The following PHKG2 variants were observed in gnomAD, a reference collection of about 807,000 sequenced individuals.
PHKG2 encodes the protein phosphorylase kinase catalytic subunit gamma 2, also known as phosphorylase b kinase gamma catalytic chain, liver/testis isoform.
Under a neutral mutation model 44.5 loss-of-function variants are expected in PHKG2, and 28 were observed. That is an observed-to-expected ratio of 0.63 (90% CI 0.47 to 0.86). The LOEUF is 0.86. Ranked by LOEUF, PHKG2 falls within the 40% of genes least tolerant of loss-of-function variation. PHKG2 has a pLI of 0.00. For synonymous variants in PHKG2, 220 were observed against 211.2 expected (o/e 1.04, Z -0.36); for missense variants, 498 against 547.5 (o/e 0.91, Z 0.90).
intron 6 of PHKG2, among the ~76,000 whole-genome samples, chr16:30,753,811 G>A (rs1322170397): frequency 6.6e-6 from 1 of 152,184 alleles, no homozygotes; most frequent in Non-Finnish European, 1.5e-5. Flanking sequence ...AGGGGAACCC[G>A]GAGGAAGGAA....
intron 3 of PHKG2, 78 bp from the exon 4 acceptor site, chr16:30,751,471 C>T (rs2053343034): frequency 2.1e-6 from 3 of 1,396,302 alleles, no homozygotes; most frequent in Non-Finnish European, 1.0e-6. Flanking sequence ...CGCTGCTGTC[C>T]CAGGGTGGCC....
In PHKG2 at chr16:30,761,140, T is replaced by C; in HGVS notation, c.*4043T>C. Reference sequence around the variant, plus strand: ...GATGCCCTGGCCACAGACAGGACTGTTGGGGAGACAATAAAGAACGCAAAT... The same window carrying C: ...GATGCCCTGGCCACAGACAGGACTGCTGGGGAGACAATAAAGAACGCAAAT... On this transcript the variant is annotated 3_prime_UTR_variant, in exon 10 of 10. Transcript: ENST00000563588. 6.3e-7 allele frequency: 1 copy of C among 1,588,038 alleles called. No individual in the cohort carries two copies. Among genetic ancestry groups the C allele is most frequent in the Non-Finnish European group, 8.6e-7 (1 of 1,159,820 alleles).
At position 30,759,645 on chromosome 16, in the gene PHKG2, GGAACT is replaced by G; in HGVS notation, c.*2551_*2555del. ...GGTAAAGTTTCCAGAATGTTCCAGG[GGAACT>G]GACCCTGACTCCATGGCAAAAAAGG... is the stretch of plus-strand genomic sequence containing the variant. On this transcript the variant is annotated 3_prime_UTR_variant, in exon 10 of 10. Transcript: ENST00000563588. The G allele has an allele frequency of 6.2e-7, 1 of 1,614,036 alleles. No individual in the cohort carries two copies. Among genetic ancestry groups the G allele is most frequent in the Non-Finnish European group, 8.5e-7 (1 of 1,180,040 alleles).
chr16:30,754,817 C>G, intron 6 of PHKG2: 1 of 454,314 alleles, frequency 2.2e-6, no homozygotes, highest in Middle Eastern at 3.7e-4. Context: ...TTTCTGTTCT[C>G]CCATCTTCTT....
chr16:30,759,701 C>A lies in PHKG2; in HGVS notation c.*2604C>A. 1 of 1,612,858 alleles carries A rather than the reference C, an allele frequency of 6.2e-7. No homozygotes were observed. Among genetic ancestry groups the A allele is most frequent in the Non-Finnish European group, 8.5e-7 (1 of 1,179,308 alleles). On this transcript the variant is annotated 3_prime_UTR_variant, in exon 10 of 10. Coordinates refer to ENST00000563588, the MANE Select transcript of PHKG2 (RefSeq NM_000294.3). ...ACACTGGTGAAGTAGCGGTAGCACTCCTCCACGTTGCCCAAGGGGGTTGCT... is the reference window on the plus strand; with the variant it reads ...ACACTGGTGAAGTAGCGGTAGCACTACTCCACGTTGCCCAAGGGGGTTGCT...
intron 2 of PHKG2, 100 bp downstream of exon 2, chr16:30,749,015 GGT>G: frequency 4.6e-5 from 1 of 21,598 alleles, no homozygotes; most frequent in South Asian, 1.4e-4. Flanking sequence ...TGGTGGTGGT[GGT>G]GGTGGTGGTG....
Position 30,760,309 on chromosome 16 carries a change from G to T in PHKG2, c.*3212G>T. 6.2e-7 allele frequency: 1 copy of T among 1,614,184 alleles called. No homozygotes were observed. On this transcript the variant is annotated 3_prime_UTR_variant, in exon 10 of 10. Transcript: ENST00000563588. ...CAATACAAGCCTTGTGAAGATCCTG[G>T]AGCAGGGCACAAGCCGCTGACGTCT...
chr16:30,759,190 C>T lies in PHKG2; in HGVS notation c.*2093C>T. Reference sequence around the variant, plus strand: ...CACTCTCCCTTACCCGTCTCACTCTCTGGCCACAGTTTGGGTGGCTGTAGC... The same window carrying T: ...CACTCTCCCTTACCCGTCTCACTCTTTGGCCACAGTTTGGGTGGCTGTAGC... On this transcript the variant is annotated 3_prime_UTR_variant, in exon 10 of 10. Transcript: ENST00000563588. The T allele has an allele frequency of 6.2e-7, 1 of 1,614,224 alleles. No homozygotes were observed. The highest frequency in any genetic ancestry group is 8.5e-7 in the Non-Finnish European group (1 of 1,180,042).
chr16:30,756,647 C>G lies in PHKG2; in HGVS notation c.859C>G (p.Gln287Glu). The change falls in exon 9 of 10, where the codon CAG becomes GAG. Residue 287 changes from glutamine (Q) to glutamate (E), a missense_variant. Physicochemically the swap from Gln to Glu is conservative, Grantham distance 29 (BLOSUM62 2). Transcript: ENST00000563588. ...ACGCCTGACAGCTGAGCAGGCCCTA[C>G]AGCACCCCTTCTTTGAGCGTTGTGA... Reference protein sequence around the residue: ...EARLTAEQALQHPFFERCEGS... With the variant: ...EARLTAEQALEHPFFERCEGS... 6.2e-7 allele frequency: 1 copy of G among 1,614,108 alleles called. No individual in the cohort carries two copies. The highest frequency in any genetic ancestry group is 2.2e-5 in the East Asian group (1 of 44,878).
rs367711698 is a variant in PHKG2 at position 30,756,861 on chromosome 16, C to G, written c.985C>G (p.Arg329Gly). 6.2e-7 allele frequency: 1 copy of G among 1,613,984 alleles called. No homozygotes were observed. The highest frequency in any genetic ancestry group is 8.5e-7 in the Non-Finnish European group (1 of 1,180,036). The change falls in exon 10 of 10, where the codon CGG becomes GGG. Residue 329 changes from arginine to glycine, a missense_variant. Transcript: ENST00000563588. ...GRVALSTHRVRPLTKNALLRD... is the reference protein window; with the variant it reads ...GRVALSTHRVGPLTKNALLRD... ...AGTGGCCCTAAGCACCCATCGTGTA[C>G]GGCCACTGACCAAGAATGCACTGTT...
Position 30,756,488 on chromosome 16 carries a change from T to C in PHKG2, c.769T>C (p.Trp257Arg), listed in dbSNP as rs775683935. ...CCAGTACCAGTTCAGTTCCCCCGAG[T>C]GGGATGACCGTTCCAGCACTGTCAA... Reference protein sequence around the residue: ...EGQYQFSSPEWDDRSSTVKDL... With the variant: ...EGQYQFSSPERDDRSSTVKDL... Residue 257 changes from tryptophan (W) to arginine (R), a missense_variant, in exon 8 of 10, where the codon TGG becomes CGG. By Grantham distance (101) the Trp-to-Arg change is moderately radical. Coordinates refer to ENST00000563588, the MANE Select transcript of PHKG2 (RefSeq NM_000294.3). The C allele has an allele frequency of 6.2e-7, 1 of 1,613,302 alleles. No homozygotes were observed. The highest frequency in any genetic ancestry group is 8.5e-7 in the Non-Finnish European group (1 of 1,179,968).
Position 30,749,037 on chromosome 16 carries a change from G to C in PHKG2, c.95+122G>C, listed in dbSNP as rs879167272. 1.5e-3 allele frequency: 227 copies of C among 150,252 alleles called. 12 individuals carry two copies. Among genetic ancestry groups the C allele is most frequent in the Admixed American group, 5.2e-3 (32 of 6,118 alleles). The allele number at this position is 150,252 out of a possible 1,614,324, so 9.3% of individuals were successfully genotyped here. A position where few individuals can be genotyped will look rare whatever the true frequency, so the allele number is the denominator to read the frequency against. ...GGTGGTGGTGGTGGTGGTGGTGGTG[G>C]TGGTGGTGGTGGTGGTGGTGGTGGT... is the stretch of plus-strand genomic sequence containing the variant. On this transcript the variant is annotated intron_variant, in intron 2 of 9. Coordinates refer to ENST00000563588, the MANE Select transcript of PHKG2 (RefSeq NM_000294.3).
In PHKG2 at chr16:30,748,796, C is replaced by T. The variant is rs1342447692; in HGVS notation, c.-18-7C>T. ...CCCTGCCCTCACTGCCCTCCTCCTC[C>T]GCGCAGGCCCCCGCCTCCTTCAGGA... On this transcript the variant is annotated splice_polypyrimidine_tract_variant and splice_region_variant and intron_variant, in intron 1 of 9. Coordinates refer to ENST00000563588, the MANE Select transcript of PHKG2 (RefSeq NM_000294.3). The T allele has an allele frequency of 1.3e-6, 2 of 1,535,866 alleles. No individual in the cohort carries two copies. Among genetic ancestry groups the T allele is most frequent in the Admixed American group, 3.9e-5 (2 of 50,968 alleles).
Position 30,760,097 on chromosome 16 carries a change from G to A in PHKG2, c.*3000G>A, listed in dbSNP as rs771123082. The A allele has an allele frequency of 5.2e-6, 8 of 1,538,714 alleles. No individual in the cohort carries two copies. Among genetic ancestry groups the A allele is most frequent in the Non-Finnish European group, 7.0e-6 (8 of 1,147,878 alleles). On this transcript the variant is annotated 3_prime_UTR_variant, in exon 10 of 10. Coordinates refer to ENST00000563588, the MANE Select transcript of PHKG2 (RefSeq NM_000294.3). ...TTCTCAGAACAGTCCTGTAAAATGT[G>A]TGCTGTATCCTTAATTTCTAGATAA... is the stretch of plus-strand genomic sequence containing the variant.
chr16:30,753,584 C>T (rs1241867122), intron 6 of PHKG2, 27 bp downstream of exon 6: 1 of 1,609,570 alleles, frequency 6.2e-7, no homozygotes, highest in Admixed American at 1.7e-5. Flanking sequence ...CCCTAATAGG[C>T]TTGGGAGGGG....
chr16:30,751,725 C>CT lies in PHKG2; in HGVS notation c.326+123dup, dbSNP rs761905133. On this transcript the variant is annotated intron_variant, in intron 4 of 9. Transcript: ENST00000563588. ...ACCTTCCTGTTCCAGCTGGGGCTCT[C>CT]TATCACCTGGGCCTGCCTGCTAGCG... 9.5e-4 allele frequency: 845 copies of CT among 884,978 alleles called. 1 individual carries two copies. The highest frequency in any genetic ancestry group is 9.4e-4 in the Non-Finnish European group (486 of 515,132). 54.8% of individuals were successfully genotyped at this position (884,978 alleles called of 1,614,324 possible).
In PHKG2 at chr16:30,758,939, C is replaced by G; in HGVS notation, c.*1842C>G. On this transcript the variant is annotated 3_prime_UTR_variant, in exon 10 of 10. Transcript: ENST00000563588. ...GACTAAAAACAAAAAGTCTGAAGTC[C>G]TGATGTCATCCAAACCCTTCATTCT... 6.3e-7 allele frequency: 1 copy of G among 1,586,678 alleles called. No individual in the cohort carries two copies. Among genetic ancestry groups the G allele is most frequent in the Non-Finnish European group, 8.6e-7 (1 of 1,167,938 alleles).
In PHKG2 at chr16:30,756,245, A is replaced by C. The variant is rs766548642; in HGVS notation, c.620A>C (p.His207Pro). 7 of 1,614,062 alleles carry C rather than the reference A, an allele frequency of 4.3e-6. No individual in the cohort carries two copies. The highest frequency in any genetic ancestry group is 3.3e-5 in the South Asian group (3 of 91,076). Reference sequence around the variant, plus strand: ...CTTAAATGCTCCATGGATGAAACCCACCCAGGCTATGGCAAGGAGGTCGAC... The same window carrying C: ...CTTAAATGCTCCATGGATGAAACCCCCCCAGGCTATGGCAAGGAGGTCGAC... ...EILKCSMDET[H>P]PGYGKEVDLW... Residue 207 changes from histidine (H) to proline (P), a missense_variant, in exon 7 of 10, where the codon CAC becomes CCC. By Grantham distance (77) the His-to-Pro change is moderately conservative (BLOSUM62 -2). Coordinates refer to ENST00000563588, the MANE Select transcript of PHKG2 (RefSeq NM_000294.3).
At chr16:30,748,697 GA>G in intron 1 of PHKG2, 105 bp from the exon 2 acceptor site, 1 of 61,232 alleles carries the variant, frequency 1.6e-5, no homozygotes, top group Non-Finnish European at 3.6e-5. Flanking sequence ...CACCCCCCAG[GA>G]CCCTGGCGCC....
Sources: gnomAD v4.1 joint callset for allele counts (sites outside exome capture counted in the v4.1 genomes callset) on GRCh38, gnomAD v4.1.1 for gene constraint, MANE v1.5 for transcripts, NCBI Gene and HGNC (gene_info 2026-07-23, HGNC 2026-07-21) for gene names.